The following SEMA3A variants were observed in gnomAD, a reference collection of about 807,000 sequenced individuals.
SEMA3A encodes semaphorin-3A.
SEMA3A carries 29 observed loss-of-function variants against 97.9 expected under a neutral mutation model. The ratio of observed to expected loss-of-function variants is 0.30; its 90% confidence interval spans 0.22 to 0.40. SEMA3A has a LOEUF of 0.40. Ranked by LOEUF, SEMA3A falls within the 10% of genes least tolerant of loss-of-function variation. The pLI is 1.00. For missense variants in SEMA3A, 763 were observed against 951.3 expected, an observed-to-expected ratio of 0.80 and a Z score of 2.60; for synonymous variants, 321 against 323.7, an observed-to-expected ratio of 0.99 and a Z score of 0.09.
At chr7:84,306,966 G>C (rs1049008435) in intron 3 of SEMA3A, among the ~76,000 whole-genome samples, 1 of 151,894 alleles carries the variant, frequency 6.6e-6, no homozygotes, top group Non-Finnish European at 1.5e-5. Flanking sequence ...AACCAAAATG[G>C]TAGCAATCCA....
At chr7:84,404,334 A>T (rs1455097396) in intron 1 of SEMA3A, among the ~76,000 whole-genome samples, 1 of 152,188 alleles carries the variant, frequency 6.6e-6, no homozygotes, top group East Asian at 1.9e-4. Context: ...CGTGAAGAGA[A>T]GTTTAGAAAA....
chr7:84,022,504 C>A (rs1450150531), intron 6 of SEMA3A, among the ~76,000 whole-genome samples: 1 of 152,144 alleles, frequency 6.6e-6, no homozygotes, highest in Non-Finnish European at 1.5e-5. Flanking sequence ...AAATACAGAT[C>A]TTTAATAATG....
chr7:83,995,737 C>CTA (rs1310566870), intron 12 of SEMA3A, among the ~76,000 whole-genome samples: 1 of 152,042 alleles, frequency 6.6e-6, no homozygotes, highest in Non-Finnish European at 1.5e-5. Context: ...CTTTTCAAGG[C>CTA]TTTCTATGTT....
At chr7:83,961,850 T>C (rs1220164580) in intron 16 of SEMA3A, 24 bp from the exon 17 acceptor site, 2 of 1,553,178 alleles carry the variant, frequency 1.3e-6, no homozygotes, top group African/African-American at 2.7e-5. Flanking sequence ...AAAAAGGCAG[T>C]GTAAAATATA....
chr7:84,333,710 A>AG (rs1180828937), intron 2 of SEMA3A, among the ~76,000 whole-genome samples: 5 of 152,204 alleles, frequency 3.3e-5, no homozygotes, highest in Non-Finnish European at 7.3e-5. Flanking sequence ...AATGCCTATG[A>AG]GCACTGACAC....
chr7:84,203,526 A>ATTTTTTTTTTT (rs35519031), intron 3 of SEMA3A, among the ~76,000 whole-genome samples: 9 of 25,674 alleles, frequency 3.5e-4, no homozygotes, highest in Non-Finnish European at 5.0e-4. Context: ...ATATATATAT[A>ATTTTTTTTTTT]TTTTTTTTTT....
chr7:83,987,700 T>C (rs1165085578), intron 12 of SEMA3A, among the ~76,000 whole-genome samples: 1 of 152,230 alleles, frequency 6.6e-6, no homozygotes, highest in African/African-American at 2.4e-5. Flanking sequence ...AATGTTCCTC[T>C]TTCTCTCCTC....
At chr7:84,434,298 CTAAGAG>C (rs947429619) in intron 1 of SEMA3A, among the ~76,000 whole-genome samples, 3 of 151,774 alleles carry the variant, frequency 2.0e-5, no homozygotes, top group Non-Finnish European at 4.4e-5. Context: ...ACACGAACTC[CTAAGAG>C]TAAATCAGGA....
chr7:84,306,265 AAAATGTATCAGTTCACATT>A (rs1427863840), intron 3 of SEMA3A: 1 of 151,954 alleles, frequency 6.6e-6, no homozygotes, highest in Non-Finnish European at 1.5e-5. Flanking sequence ...TAACCTAGGA[AAAATGTATCAGTTCACATT>A]AAATGGGGAT....
chr7:84,418,967 A>C (rs1028916847), intron 1 of SEMA3A, among the ~76,000 whole-genome samples: 2 of 152,134 alleles, frequency 1.3e-5, no homozygotes, highest in African/African-American at 2.4e-5. Flanking sequence ...ACACACACAC[A>C]TACATATATA....
At chr7:84,440,435 T>C (rs1805243785) in intron 1 of SEMA3A, among the ~76,000 whole-genome samples, 1 of 152,202 alleles carries the variant, frequency 6.6e-6, no homozygotes, top group Non-Finnish European at 1.5e-5. Context: ...TGCTCTGATC[T>C]CTGATTGTTT....
At chr7:84,299,322 ATCTCCATATATATG>A (rs1800947477) in intron 3 of SEMA3A, among the ~76,000 whole-genome samples, 1 of 114,658 alleles carries the variant, frequency 8.7e-6, no homozygotes, top group South Asian at 3.0e-4. Context: ...ATATATATAT[ATCTCCATATATATG>A]TATCTCTCTC....
At chr7:84,490,807 A>T (rs1806704374) in intron 1 of SEMA3A, among the ~76,000 whole-genome samples, 1 of 152,126 alleles carries the variant, frequency 6.6e-6, no homozygotes, top group African/African-American at 2.4e-5. Flanking sequence ...CTTTTCATTA[A>T]GGGGCACTTG....
intron 1 of SEMA3A, 78 bp downstream of exon 1, chr7:84,194,397 G>T: frequency 2.2e-6 from 2 of 893,554 alleles, no homozygotes; most frequent in Non-Finnish European, 3.7e-6. Flanking sequence ...ATGATTTGGG[G>T]TTGGGAGGGA....
At chr7:83,966,913 G>T (rs1788718443) in intron 15 of SEMA3A, among the ~76,000 whole-genome samples, 1 of 151,976 alleles carries the variant, frequency 6.6e-6, no homozygotes. Context: ...GTTTCTCCAT[G>T]TTGGTTAGGC....
exon 1 of SEMA3A, chr7:84,492,543 G>A (rs1323785515): frequency 4.6e-5 from 7 of 152,094 alleles, no homozygotes; most frequent in Non-Finnish European, 1.5e-5. Flanking sequence ...CCAGATTAGG[G>A]ATAAATGTGA....
chr7:84,185,769 T>C (rs77739706), intron 1 of SEMA3A, among the ~76,000 whole-genome samples: 9,413 of 151,360 alleles, frequency 0.062, 342 homozygotes, highest in African/African-American at 0.091. Flanking sequence ...TTATAAATCA[T>C]TTTATGTTAT....
At chr7:84,067,511 G>T (rs1018688293) in intron 4 of SEMA3A, among the ~76,000 whole-genome samples, 1 of 151,404 alleles carries the variant, frequency 6.6e-6, no homozygotes, top group African/African-American at 2.4e-5. Context: ...GAAAATTTTC[G>T]CAACCTACTC....
At chr7:84,192,892 T>A (rs555306554) in intron 1 of SEMA3A, among the ~76,000 whole-genome samples, 1 of 151,986 alleles carries the variant, frequency 6.6e-6, no homozygotes, top group Non-Finnish European at 1.5e-5. Context: ...ATAGGGAACA[T>A]AAACTTGGAT....
Sources: allele counts gnomAD v4.1 joint callset (sites outside exome capture counted in the v4.1 genomes callset), GRCh38; gene constraint gnomAD v4.1.1; transcripts MANE v1.5; gene names NCBI Gene and HGNC (gene_info 2026-07-23, HGNC 2026-07-21).